NCAN: variants seen among roughly 807,000 people sequenced by gnomAD.
The protein encoded by NCAN is neurocan.
Under a neutral mutation model 121.8 loss-of-function variants are expected in NCAN, and 47 were observed. The observed-to-expected ratio is 0.39, with a 90% confidence interval of 0.31 to 0.49. NCAN has a LOEUF of 0.49. Ranked by LOEUF, NCAN falls within the 20% of genes least tolerant of loss-of-function variation. The probability of loss-of-function intolerance (pLI) is 0.92; values close to 1 mark genes in which losing one functional copy is unlikely to be tolerated. For synonymous variants in NCAN, 633 were observed against 702.0 expected, an observed-to-expected ratio of 0.90 and a Z score of 1.55; for missense variants, 1,517 against 1,773.4, an observed-to-expected ratio of 0.86 and a Z score of 2.60.
At chr19:19,215,902 G>A (rs1011029409) in intron 1 of NCAN, among the ~76,000 whole-genome samples, 1 of 152,158 alleles carries the variant, frequency 6.6e-6, no homozygotes, top group African/African-American at 2.4e-5. Context: ...AATAATAATA[G>A]CAGCAGCTAA....
At chr19:19,223,149 A>G (rs1002724170) in intron 3 of NCAN, among the ~76,000 whole-genome samples, 4 of 151,650 alleles carry the variant, frequency 2.6e-5, no homozygotes, top group South Asian at 2.1e-4. Context: ...AAAAATAAAT[A>G]AATAAATAAA....
At chr19:19,232,708 A>T (rs2060865021) in intron 8 of NCAN, 1 of 152,272 alleles carries the variant, frequency 6.6e-6, no homozygotes, top group Non-Finnish European at 1.5e-5. Context: ...AAAAATGGCT[A>T]GGACAACTGA....
rs777451384 is a variant in NCAN, at chr19:19,227,708, A to C, written c.2088A>C (p.Thr696=). The C allele has an allele frequency of 3.1e-6, 5 of 1,613,928 alleles. No homozygotes were observed. The highest frequency in any genetic ancestry group is 3.3e-5 in the Admixed American group (2 of 60,020). The change falls in exon 8 of 15, where the codon ACA becomes ACC. Residue 696 remains threonine (T), a synonymous_variant. Transcript: ENST00000252575. The surrounding 1 kb of genome is among the most constrained non-coding windows in gnomAD (Gnocchi z 4.2). ...GACAGGGTGGAGAGGCCATGCCCAC[A>C]ACACCTGAGTCCCCCAGGGCAGACT... ...PTGQGGEAMP[T]TPESPRADFR...
chr19:19,224,133 G>A lies in NCAN; in HGVS notation c.588G>A (p.Gln196=). Reference sequence around the variant, plus strand: ...TCATTGCAGCCCCTCGGCATCTACAGGCTGCCTTTGAGGATGGCTTTGACA... The same window carrying A: ...TCATTGCAGCCCCTCGGCATCTACAAGCTGCCTTTGAGGATGGCTTTGACA... ...SAIIAAPRHL[Q]AAFEDGFDNC... Residue 196 remains glutamine (Q), a synonymous_variant, in exon 4 of 15, where the codon CAG becomes CAA. Coordinates refer to ENST00000252575, the MANE Select transcript of NCAN (RefSeq NM_004386.3). 6.2e-7 allele frequency: 1 copy of A among 1,609,284 alleles called. No homozygotes were observed. Among genetic ancestry groups the A allele is most frequent in the Non-Finnish European group, 8.5e-7 (1 of 1,176,328 alleles).
chr19:19,217,061 C>G, intron 2 of NCAN, 35 bp downstream of exon 2: 2 of 1,299,642 alleles, frequency 1.5e-6, no homozygotes, highest in Non-Finnish European at 2.0e-6. Flanking sequence ...AGATTGGGGT[C>G]TAGGGGATGG....
At position 19,225,218 on chromosome 19, in the gene NCAN, C is replaced by G; in HGVS notation, c.1020C>G (p.Asn340Lys). ...TGCGCACCGTCTACCGCTTCGCTAA[C>G]CGGACCGGCTTCCCCTCACCCGCCG... The part of the protein sequence containing the change: ...PGVRTVYRFA[N>K]RTGFPSPAER... The change falls in exon 6 of 15, where the codon AAC (asparagine) becomes AAG (lysine). Residue 340 changes from asparagine (N) to lysine (K), a missense_variant. Asn to Lys is a moderately conservative substitution (Grantham distance 94, BLOSUM62 0). Coordinates refer to ENST00000252575, the MANE Select transcript of NCAN (RefSeq NM_004386.3). The surrounding 1 kb of genome is among the most constrained non-coding windows in gnomAD (Gnocchi z 4.0). The G allele has an allele frequency of 6.4e-7, 1 of 1,573,656 alleles. No homozygotes were observed. The highest frequency in any genetic ancestry group is 8.5e-7 in the Non-Finnish European group (1 of 1,170,344).
At chr19:19,241,596 G>A (rs2060903548) in intron 12 of NCAN, among the ~76,000 whole-genome samples, 2 of 151,930 alleles carry the variant, frequency 1.3e-5, no homozygotes, top group Admixed American at 1.3e-4. Context: ...TCAGCTATCG[G>A]GAAGCTGAGG....
At chr19:19,241,128 C>T (rs536240426) in intron 12 of NCAN, among the ~76,000 whole-genome samples, 2 of 152,080 alleles carry the variant, frequency 1.3e-5, no homozygotes, top group South Asian at 2.1e-4. Flanking sequence ...TGGTGGCCCA[C>T]GCCTCTAATC....
chr19:19,229,676 T>A (rs533705319), intron 8 of NCAN, among the ~76,000 whole-genome samples: 186 of 152,346 alleles, frequency 1.2e-3, no homozygotes, highest in Non-Finnish European at 1.9e-3. Context: ...GGCTGCCCTG[T>A]TCTCCCTGGG....
intron 3 of NCAN, among the ~76,000 whole-genome samples, chr19:19,219,545 A>G (rs1161699763): frequency 3.3e-5 from 5 of 151,840 alleles, no homozygotes; most frequent in African/African-American, 9.7e-5. Context: ...AAATACAAAA[A>G]TTAGCCAGGC....
chr19:19,245,253 G>T, intron 12 of NCAN, 60 bp from the exon 13 acceptor site: 1 of 1,590,852 alleles, frequency 6.3e-7, no homozygotes, highest in Non-Finnish European at 8.6e-7. Context: ...AGCAGGAATT[G>T]CCAGAACCTG....
chr19:19,214,375 T>C (rs895402438), intron 1 of NCAN, among the ~76,000 whole-genome samples: 2 of 152,038 alleles, frequency 1.3e-5, no homozygotes, highest in African/African-American at 4.8e-5. Flanking sequence ...CTGGCCGCCC[T>C]GGGGAGGAGG....
chr19:19,227,567 C>G lies in NCAN; in HGVS notation c.1947C>G (p.Pro649=). ...PKEWMLPHPT[P]ISTEANRVEA... ...AGTGGATGCTACCACACCCCACCCC[C>G]ATCTCCACCGAGGCCAATAGAGTTG... Residue 649 remains proline (P), a synonymous_variant, in exon 8 of 15, where the codon CCC becomes CCG. Coordinates refer to ENST00000252575, the MANE Select transcript of NCAN (RefSeq NM_004386.3). The surrounding 1 kb of genome is among the most constrained non-coding windows in gnomAD (Gnocchi z 4.2). 6.2e-7 allele frequency: 1 copy of G among 1,613,912 alleles called. No individual in the cohort carries two copies. The highest frequency in any genetic ancestry group is 8.5e-7 in the Non-Finnish European group (1 of 1,180,014).
In NCAN at chr19:19,218,049, T is replaced by C. The variant is rs146784203; in HGVS notation, c.74-866T>C. The stretch of plus-strand genomic sequence containing the variant: ...ATCCCAGAACTGTGGGAGGCCAAGG[T>C]AGGTGGATCAGTTGAGGTCAGGAAT... On this transcript the variant is annotated intron_variant, in intron 2 of 14. Transcript: ENST00000252575. Among the ~76,000 whole-genome samples the C allele has an allele frequency of 6.5e-3, 979 of 150,574 alleles. 8 individuals carry two copies. The highest frequency in any genetic ancestry group is 0.028 in the Admixed American group (418 of 15,090).
At position 19,242,673 on chromosome 19, in the gene NCAN, AG is replaced by A. The variant is rs1215078596; in HGVS notation, c.3492+1991del. On this transcript the variant is annotated intron_variant, in intron 12 of 14. Transcript: ENST00000252575. The stretch of plus-strand genomic sequence containing the variant: ...CACTGCACTCCAGCCTGGGTGACAG[AG>A]GGAGACTCTGTCTCAAAAAACAAAC... 2.6e-5 allele frequency among the ~76,000 whole-genome samples: 4 copies of A among 152,204 alleles called. No homozygotes were observed. In the East Asian group the frequency reaches 5.8e-4, roughly 22 times the overall value.
At chr19:19,245,633 A>G (rs2060921743) in intron 13 of NCAN, among the ~76,000 whole-genome samples, 176 bp downstream of exon 13, 1 of 152,086 alleles carries the variant, frequency 6.6e-6, no homozygotes, top group Non-Finnish European at 1.5e-5. Context: ...ATGCACCAAC[A>G]TGCCCAGCTA....
In NCAN at chr19:19,227,726, G is replaced by T. The variant is rs760010254; in HGVS notation, c.2106G>T (p.Arg702Ser). 6.2e-7 allele frequency: 1 copy of T among 1,613,878 alleles called. No homozygotes were observed. The highest frequency in any genetic ancestry group is 1.7e-5 in the Admixed American group (1 of 60,016). ...EAMPTTPESP[R>S]ADFRETGETS... ...TGCCCACAACACCTGAGTCCCCCAG[G>T]GCAGACTTCAGAGAAACTGGGGAGA... The change falls in exon 8 of 15, where the codon AGG (arginine) becomes AGT (serine). Residue 702 changes from arginine (R) to serine (S), a missense_variant. By Grantham distance (110) the Arg-to-Ser change is moderately radical. Coordinates refer to ENST00000252575, the MANE Select transcript of NCAN (RefSeq NM_004386.3). The surrounding 1 kb of genome is among the most constrained non-coding windows in gnomAD (Gnocchi z 4.2).
At chr19:19,213,573 G>A (rs2060783921) in intron 1 of NCAN, among the ~76,000 whole-genome samples, 1 of 151,330 alleles carries the variant, frequency 6.6e-6, no homozygotes. Flanking sequence ...TGTCTTGTAA[G>A]TGCCCATATT....
rs1358362292 is a variant in NCAN, at chr19:19,238,110, A to G, written c.3251-143A>G. 4 of 998,412 alleles carry G rather than the reference A, an allele frequency of 4.0e-6. No individual in the cohort carries two copies. The East Asian group carries it at 7.3e-5, about 18-fold the overall frequency. The allele number at this position is 998,412 out of a possible 1,614,324, so 61.8% of individuals were successfully genotyped here. ...GTTGGGAGAGCAGAGCCTCAGGAGGAGGGGCCAGGCATGGGGAGAGGGGTG... is the reference window on the plus strand; with the variant it reads ...GTTGGGAGAGCAGAGCCTCAGGAGGGGGGGCCAGGCATGGGGAGAGGGGTG... On this transcript the variant is annotated intron_variant, in intron 10 of 14. Transcript: ENST00000252575.
Sources: allele counts gnomAD v4.1 joint callset (sites outside exome capture counted in the v4.1 genomes callset), GRCh38; gene constraint gnomAD v4.1.1; non-coding constraint Gnocchi (gnomAD v3.1); transcripts MANE v1.5; gene names NCBI Gene and HGNC (gene_info 2026-07-23, HGNC 2026-07-21).